Variants in KIRREL3 observed in about 807,000 individuals in gnomAD.
KIRREL3 encodes kirre like nephrin family adhesion molecule 3.
In KIRREL3, 36 loss-of-function variants were observed where a neutral mutation model predicts 89.7. The observed-to-expected ratio is 0.40, with a 90% CI of 0.31 to 0.53. KIRREL3 has a LOEUF of 0.53. Ranked by LOEUF, KIRREL3 falls within the 20% of genes least tolerant of loss-of-function variation. KIRREL3 has a pLI of 0.49. For synonymous variants in KIRREL3, 445 were observed against 441.4 expected (o/e 1.01, Z -0.10); for missense variants, 864 against 1,056.6 (o/e 0.82, Z 2.53).
chr11:126,934,254 A>T (rs563579751), intron 1 of KIRREL3, among the ~76,000 whole-genome samples: 75 of 152,334 alleles, frequency 4.9e-4, no homozygotes, highest in African/African-American at 1.7e-3. Flanking sequence ...ACAACTAGAC[A>T]TTCACAGGCA....
intron 2 of KIRREL3, among the ~76,000 whole-genome samples, chr11:126,540,256 T>A (rs1440449408): frequency 6.6e-6 from 1 of 152,160 alleles, no homozygotes; most frequent in African/African-American, 2.4e-5. Flanking sequence ...AGCTTGCCAG[T>A]CTCATGAACA....
At chr11:126,863,409 G>A (rs1330151898) in intron 1 of KIRREL3, among the ~76,000 whole-genome samples, 4 of 32,354 alleles carry the variant, frequency 1.2e-4, no homozygotes, top group Admixed American at 4.1e-4. Context: ...GTGCGTGAGT[G>A]CGTGTGTGAG....
intron 1 of KIRREL3, among the ~76,000 whole-genome samples, chr11:126,638,355 T>C (rs912057280): frequency 6.6e-6 from 1 of 152,218 alleles, no homozygotes; most frequent in Non-Finnish European, 1.5e-5. Context: ...AAAACGTACT[T>C]GTCTGTCCTC....
rs79983318 is a variant in KIRREL3 at position 126,791,922 on chromosome 11, G to A, written c.55+208533C>T. On this transcript the variant is annotated intron_variant, in intron 1 of 16. Coordinates refer to ENST00000525144, the MANE Select transcript of KIRREL3 (RefSeq NM_032531.4). This position sits in a 1 kb window ranked among gnomAD's most constrained non-coding sequence, Gnocchi z 4.8. The stretch of plus-strand genomic sequence containing the variant: ...TGTGAAAACAGTTTAGAGGGAAGGC[G>A]GGGCTGCTTTCAAAGAAAAACAGGT... 6.6e-4 allele frequency among the ~76,000 whole-genome samples: 100 copies of A among 152,240 alleles called. No individual in the cohort carries two copies. Among genetic ancestry groups the A allele is most frequent in the Admixed American group, 2.2e-3 (33 of 15,288 alleles).
intron 1 of KIRREL3, among the ~76,000 whole-genome samples, chr11:126,960,759 C>T (rs1280323914): frequency 2.0e-5 from 3 of 152,016 alleles, no homozygotes; most frequent in African/African-American, 4.8e-5. Flanking sequence ...ACATGCACAC[C>T]TTGTTTTATT....
rs1406803786 is a variant in KIRREL3, at chr11:126,520,941, G to C, written c.433+374C>G. ...ACCGGAGTGGGGGTCAGTTCAGAAA[G>C]AAGGGACCCACAGCCTGTGCCACAT... On this transcript the variant is annotated intron_variant, in intron 4 of 16. Coordinates refer to ENST00000525144, the MANE Select transcript of KIRREL3 (RefSeq NM_032531.4). This position sits in a 1 kb window ranked among gnomAD's most constrained non-coding sequence, Gnocchi z 4.9. 6.6e-6 allele frequency among the ~76,000 whole-genome samples: 1 copy of C among 152,206 alleles called. No individual in the cohort carries two copies. Among genetic ancestry groups the C allele is most frequent in the African/African-American group, 2.4e-5 (1 of 41,444 alleles).
rs770743260 is a variant in KIRREL3 at position 126,978,579 on chromosome 11, C to CCA, written c.55+21874_55+21875dup. 5.9e-4 allele frequency among the ~76,000 whole-genome samples: 90 copies of CCA among 152,288 alleles called. No homozygotes were observed. Among genetic ancestry groups the CCA allele is most frequent in the Admixed American group, 1.8e-3 (28 of 15,298 alleles). ...AGCCACTGATGCTCCTTGGTTCTGG[C>CCA]CACGCCCAGCTCCGTGTGGGTCCCT... On this transcript the variant is annotated intron_variant, in intron 1 of 16. Coordinates refer to ENST00000525144, the MANE Select transcript of KIRREL3 (RefSeq NM_032531.4). This position sits in a 1 kb window ranked among gnomAD's most constrained non-coding sequence, Gnocchi z 4.2.
rs577194064 is a variant in KIRREL3, at chr11:126,501,960, A to G, written c.433+19355T>C. Among the ~76,000 whole-genome samples, 7 of 152,336 alleles carry G rather than the reference A, an allele frequency of 4.6e-5. No homozygotes were observed. In the South Asian group the frequency reaches 1.4e-3, roughly 32 times the overall value. ...CCACATCCCGCCCAAGGGAGCAGCC[A>G]TTACATAATTGTTTGCAAGCAGGCA... On this transcript the variant is annotated intron_variant, in intron 4 of 16. Transcript: ENST00000525144. This position sits in a 1 kb window ranked among gnomAD's most constrained non-coding sequence, Gnocchi z 5.8.
rs184660528 is a variant in KIRREL3, at chr11:126,571,177, T to G, written c.56-8265A>C. Among the ~76,000 whole-genome samples the G allele has an allele frequency of 6.6e-6, 1 of 152,334 alleles. No individual in the cohort carries two copies. The highest frequency in any genetic ancestry group is 1.5e-5 in the Non-Finnish European group (1 of 68,030). The stretch of plus-strand genomic sequence containing the variant: ...CGGAGTCTCAGCCCTTTGGGCTGGC[T>G]TTTTGATACCTTGCCTAGCTCTTAT... On this transcript the variant is annotated intron_variant, in intron 1 of 16. Transcript: ENST00000525144. This position sits in a 1 kb window ranked among gnomAD's most constrained non-coding sequence, Gnocchi z 7.7.
intron 7 of KIRREL3, among the ~76,000 whole-genome samples, chr11:126,451,333 A>AGC (rs1380495050): frequency 6.4e-5 from 7 of 108,630 alleles, no homozygotes; most frequent in African/African-American, 2.1e-4. Context: ...TGCATTAGTG[A>AGC]GTGTGTGCAT....
intron 1 of KIRREL3, among the ~76,000 whole-genome samples, chr11:126,749,748 G>T (rs1046362930): frequency 1.3e-5 from 2 of 152,134 alleles, no homozygotes; most frequent in Admixed American, 6.5e-5. Flanking sequence ...AGGTGAGGAA[G>T]GTGAAAGTGA....
intron 1 of KIRREL3, among the ~76,000 whole-genome samples, chr11:126,803,838 A>C (rs181533286): frequency 6.6e-6 from 1 of 152,338 alleles, no homozygotes; most frequent in East Asian, 1.9e-4. Flanking sequence ...AGAGCTCCAT[A>C]GGGACCTGGG....
At chr11:126,841,328 C>G (rs1010764395) in intron 1 of KIRREL3, among the ~76,000 whole-genome samples, 22 of 152,172 alleles carry the variant, frequency 1.4e-4, no homozygotes, top group Non-Finnish European at 3.2e-4. Context: ...GCTCCCTAGG[C>G]AGAGCGAGGC....
intron 1 of KIRREL3, among the ~76,000 whole-genome samples, chr11:126,588,332 G>A (rs1652486894): frequency 6.6e-6 from 1 of 152,232 alleles, no homozygotes; most frequent in African/African-American, 2.4e-5. Context: ...AGTGTACTCA[G>A]CCACAGGTAT....
rs1270289499 is a variant in KIRREL3, at chr11:126,763,385, G to A, written c.56-200473C>T. Among the ~76,000 whole-genome samples, 5 of 152,192 alleles carry A rather than the reference G, an allele frequency of 3.3e-5. No individual in the cohort carries two copies. On this transcript the variant is annotated intron_variant, in intron 1 of 16. Transcript: ENST00000525144. The surrounding 1 kb of genome is among the most constrained non-coding windows in gnomAD (Gnocchi z 4.7). ...GCAGTGCTCCTCACTTCCTCCATCT[G>A]CTCAGCACCCAACAGTGCTCTGATG...
chr11:126,554,183 C>A (rs1939515593), intron 2 of KIRREL3, among the ~76,000 whole-genome samples: 1 of 152,188 alleles, frequency 6.6e-6, no homozygotes, highest in Non-Finnish European at 1.5e-5. Flanking sequence ...CTGCTGTCCC[C>A]ATTAGAATGT....
chr11:126,916,697 T>C (rs1411069586), intron 1 of KIRREL3, among the ~76,000 whole-genome samples: 2 of 152,216 alleles, frequency 1.3e-5, no homozygotes, highest in African/African-American at 4.8e-5. Context: ...CCTGGGGATA[T>C]TCTAACTTAG....
rs957234374 is a variant in KIRREL3, at chr11:126,568,320, G to T, written c.56-5408C>A. ...ATGGGAGATGAGCTCAGAGAAGGGAGGCTGGCTGGGAGACCGCTGCCATAC... is the reference window on the plus strand; with the variant it reads ...ATGGGAGATGAGCTCAGAGAAGGGATGCTGGCTGGGAGACCGCTGCCATAC... On this transcript the variant is annotated intron_variant, in intron 1 of 16. Coordinates refer to ENST00000525144, the MANE Select transcript of KIRREL3 (RefSeq NM_032531.4). This position sits in a 1 kb window ranked among gnomAD's most constrained non-coding sequence, Gnocchi z 4.6. 6.7e-6 allele frequency among the ~76,000 whole-genome samples: 1 copy of T among 150,212 alleles called. No individual in the cohort carries two copies. Among genetic ancestry groups the T allele is most frequent in the Non-Finnish European group, 1.5e-5 (1 of 67,034 alleles).
At chr11:126,959,989 G>A (rs1949038788) in intron 1 of KIRREL3, among the ~76,000 whole-genome samples, 3 of 152,064 alleles carry the variant, frequency 2.0e-5, no homozygotes, top group African/African-American at 7.2e-5. Flanking sequence ...CTGATCCACT[G>A]TTTATTGTTT....
Sources: gnomAD v4.1 joint callset for allele counts (sites outside exome capture counted in the v4.1 genomes callset) on GRCh38, gnomAD v4.1.1 for gene constraint, Gnocchi (gnomAD v3.1) non-coding constraint, MANE v1.5 for transcripts, NCBI Gene and HGNC (gene_info 2026-07-23, HGNC 2026-07-21) for gene names.